HS6ST3: variants seen among roughly 807,000 people sequenced by gnomAD.
HS6ST3 encodes the protein heparan-sulfate 6-O-sulfotransferase 3.
HS6ST3 carries 12 observed loss-of-function variants against 36.7 expected under a neutral mutation model. The ratio of observed to expected loss-of-function variants is 0.33; its 90% CI spans 0.21 to 0.53. The LOEUF (loss-of-function observed/expected upper bound fraction) is 0.53. Among genes scored for constraint, HS6ST3 ranks in the 20% least tolerant of loss-of-function variants. The probability of loss-of-function intolerance (pLI) is 0.95; values close to 1 mark genes in which losing one functional copy is unlikely to be tolerated. For missense variants in HS6ST3, 584 were observed against 640.9 expected, an observed-to-expected ratio of 0.91 and a Z score of 0.96; for synonymous variants, 240 against 257.5, an observed-to-expected ratio of 0.93 and a Z score of 0.65.
intron 1 of HS6ST3, among the ~76,000 whole-genome samples, chr13:96,127,019 G>A (rs2053955506): frequency 6.6e-6 from 1 of 152,018 alleles, no homozygotes; most frequent in South Asian, 2.1e-4. Flanking sequence ...TACCATTTCG[G>A]CCATCTTTAT....
intron 1 of HS6ST3, among the ~76,000 whole-genome samples, chr13:96,399,683 G>A (rs1226611633): frequency 2.6e-5 from 4 of 152,260 alleles, no homozygotes; most frequent in Non-Finnish European, 5.9e-5. Flanking sequence ...CTGAGGTGGG[G>A]CTGGAGATGT....
intron 1 of HS6ST3, among the ~76,000 whole-genome samples, chr13:96,718,031 T>C (rs562520101): frequency 5.4e-4 from 82 of 152,240 alleles, no homozygotes; most frequent in African/African-American, 1.8e-3. Flanking sequence ...TAGACTTCAC[T>C]CCATAATCCT....
At chr13:96,284,745 G>A (rs551027343) in intron 1 of HS6ST3, among the ~76,000 whole-genome samples, 1 of 132,122 alleles carries the variant, frequency 7.6e-6, no homozygotes, top group African/African-American at 3.1e-5. Context: ...AGAGGATACT[G>A]GTCTGCTTGC....
At chr13:96,280,607 A>G (rs1156446020) in intron 1 of HS6ST3, among the ~76,000 whole-genome samples, 1 of 152,232 alleles carries the variant, frequency 6.6e-6, no homozygotes, top group African/African-American at 2.4e-5. Flanking sequence ...TTTTGTAATC[A>G]ATATAAAATG....
intron 1 of HS6ST3, among the ~76,000 whole-genome samples, chr13:96,783,652 T>C (rs983911944): frequency 5.9e-5 from 9 of 151,480 alleles, no homozygotes; most frequent in African/African-American, 2.2e-4. Flanking sequence ...ATGGACAGGA[T>C]GGAGCCACTT....
chr13:96,338,903 C>T (rs1393294724), intron 1 of HS6ST3, among the ~76,000 whole-genome samples: 4 of 152,154 alleles, frequency 2.6e-5, no homozygotes, highest in South Asian at 4.1e-4. Context: ...AGACTCTTTG[C>T]TTTTGAGATC....
chr13:96,657,350 C>T (rs1372790582), intron 1 of HS6ST3, among the ~76,000 whole-genome samples: 1 of 151,988 alleles, frequency 6.6e-6, no homozygotes, highest in East Asian at 1.9e-4. Flanking sequence ...CACTTGAGCC[C>T]AAGAGTTTGA....
chr13:96,647,023 A>G (rs1401449062), intron 1 of HS6ST3, among the ~76,000 whole-genome samples: 4 of 151,904 alleles, frequency 2.6e-5, no homozygotes, highest in African/African-American at 9.7e-5. Flanking sequence ...AAGAGTGCAG[A>G]CCCACTGAAC....
chr13:96,738,839 A>G (rs572209711), intron 1 of HS6ST3, among the ~76,000 whole-genome samples: 3 of 152,170 alleles, frequency 2.0e-5, no homozygotes, highest in Non-Finnish European at 2.9e-5. Context: ...TTCACCCCTT[A>G]TTACTCTTTT....
chr13:96,813,046 C>A (rs923982959), intron 1 of HS6ST3, among the ~76,000 whole-genome samples: 6 of 152,150 alleles, frequency 3.9e-5, no homozygotes, highest in African/African-American at 1.4e-4. Context: ...ACTCTCTGCC[C>A]TCTAATCCTA....
At chr13:96,576,765 C>T (rs2056322948) in intron 1 of HS6ST3, among the ~76,000 whole-genome samples, 1 of 151,666 alleles carries the variant, frequency 6.6e-6, no homozygotes, top group South Asian at 2.1e-4. Context: ...AACATTGTGA[C>T]ACTCCCATCT....
At position 96,732,328 on chromosome 13, in the gene HS6ST3, C is replaced by T. The variant is rs539269123; in HGVS notation, c.708-100162C>T. ...TCAAGTCTGACATTTAAGTCTTCAGCCATTTTTGAGTTGATTTTTGTATAT... is the reference window on the plus strand; with the variant it reads ...TCAAGTCTGACATTTAAGTCTTCAGTCATTTTTGAGTTGATTTTTGTATAT... On this transcript the variant is annotated intron_variant, in intron 1 of 1. Transcript: ENST00000376705. Among the ~76,000 whole-genome samples, 30 of 152,178 alleles carry T rather than the reference C, an allele frequency of 2.0e-4. No homozygotes were observed. In the South Asian group the frequency reaches 6.2e-3, roughly 32 times the overall value.
intron 1 of HS6ST3, among the ~76,000 whole-genome samples, chr13:96,478,017 G>T (rs1341047401): frequency 1.3e-5 from 2 of 152,066 alleles, no homozygotes; most frequent in African/African-American, 4.8e-5. Context: ...AAAGTATCAA[G>T]AAGAGAAGGG....
At chr13:96,349,903 T>C (rs75450178) in intron 1 of HS6ST3, among the ~76,000 whole-genome samples, 3,367 of 152,302 alleles carry the variant, frequency 0.022, 123 homozygotes, top group African/African-American at 0.078. Flanking sequence ...AACAAAGTAT[T>C]TATTTCCAAG....
At chr13:96,508,576 T>A (rs571976635) in intron 1 of HS6ST3, among the ~76,000 whole-genome samples, 1 of 152,276 alleles carries the variant, frequency 6.6e-6, no homozygotes, top group African/African-American at 2.4e-5. Context: ...TCATTCTGTA[T>A]GCCTTTGTGT....
intron 1 of HS6ST3, among the ~76,000 whole-genome samples, chr13:96,341,258 A>G (rs1832150158): frequency 6.6e-6 from 1 of 151,294 alleles, no homozygotes; most frequent in African/African-American, 2.5e-5. Flanking sequence ...TTTAAAAAAT[A>G]TGTTAAACTT....
At chr13:96,831,977 A>AC (rs1555326625) in intron 1 of HS6ST3, among the ~76,000 whole-genome samples, 15 of 116,042 alleles carry the variant, frequency 1.3e-4, no homozygotes, top group Admixed American at 5.4e-4. Flanking sequence ...AAAAAAAAAA[A>AC]AAACAGAGAT....
In HS6ST3 at chr13:96,833,784, A is replaced by T. The variant is rs957957314; in HGVS notation, c.*586A>T. The T allele has an allele frequency of 6.6e-6, 1 of 152,508 alleles. No homozygotes were observed. Among genetic ancestry groups the T allele is most frequent in the Non-Finnish European group, 1.5e-5 (1 of 68,304 alleles). The allele number at this position is 152,508 out of a possible 1,614,324, so 9.4% of individuals were successfully genotyped here. On this transcript the variant is annotated 3_prime_UTR_variant, in exon 2 of 2. Transcript: ENST00000376705. ...GTTGCAGTTGTTTTGAAACAAAATT[A>T]TCCTATTATTGACCATTGCTAGAGA...
At chr13:96,190,239 TCTAGGTGCCAGCTC>T (rs766354345) in intron 1 of HS6ST3, among the ~76,000 whole-genome samples, 1 of 152,222 alleles carries the variant, frequency 6.6e-6, no homozygotes, top group Non-Finnish European at 1.5e-5. Context: ...TAGGTACTGT[TCTAGGTGCCAGCTC>T]CTTTGCGTTC....
Sources: allele counts gnomAD v4.1 joint callset (sites outside exome capture counted in the v4.1 genomes callset), GRCh38; gene constraint gnomAD v4.1.1; transcripts MANE v1.5; gene names NCBI Gene and HGNC (gene_info 2026-07-23, HGNC 2026-07-21).